DAZAP1: variants seen among roughly 807,000 people sequenced by gnomAD.
DAZAP1 encodes DAZ-associated protein 1.
DAZAP1 carries 6 observed loss-of-function variants against 60.1 expected under a neutral mutation model. The observed-to-expected ratio is 0.10, with a 90% CI of 0.05 to 0.20. The LOEUF (loss-of-function observed/expected upper bound fraction) is 0.20. Ranked by LOEUF, DAZAP1 falls within the 10% of genes least tolerant of loss-of-function variation. The pLI, the probability that DAZAP1 is intolerant of heterozygous loss-of-function variation, is 1.00. For missense variants in DAZAP1, 366 were observed against 560.4 expected (o/e 0.65, Z 3.50); for synonymous variants, 235 against 215.9 (o/e 1.09, Z -0.78).
In DAZAP1 at chr19:1,434,982, A is replaced by C; in HGVS notation, c.*70A>C. 3 of 619,114 alleles carry C rather than the reference A, an allele frequency of 4.8e-6. No homozygotes were observed. The highest frequency in any genetic ancestry group is 5.9e-6 in the Non-Finnish European group (3 of 511,390). 38.4% of individuals were successfully genotyped at this position (619,114 alleles called of 1,614,324 possible). A position where few individuals can be genotyped will look rare whatever the true frequency, so the allele number is the denominator to read the frequency against. ...AACTTGTGAACTCGTGACAATCACA[A>C]ACTTGGCGGCAAAGTGGCGACTCAA... On this transcript the variant is annotated 3_prime_UTR_variant, in exon 12 of 12. Coordinates refer to ENST00000233078, the MANE Select transcript of DAZAP1 (RefSeq NM_018959.4). The surrounding 1 kb of genome is among the most constrained non-coding windows in gnomAD (Gnocchi z 8.0).
chr19:1,413,652 T>G (rs1055023575), intron 1 of DAZAP1, among the ~76,000 whole-genome samples: 3 of 152,086 alleles, frequency 2.0e-5, no homozygotes, highest in African/African-American at 7.2e-5. Context: ...AAACACACAG[T>G]GTGGCCGCGC....
At chr19:1,412,809 AGCTGCAGGCCCTGGGT>A (rs746216451) in intron 1 of DAZAP1, among the ~76,000 whole-genome samples, 5 of 152,240 alleles carry the variant, frequency 3.3e-5, no homozygotes, top group Non-Finnish European at 5.9e-5. Flanking sequence ...CCAGGTGTCG[AGCTGCAGGCCCTGGGT>A]GCCAGGCTTG....
At position 1,425,560 on chromosome 19, in the gene DAZAP1, GT is replaced by G. The variant is rs2083286912; in HGVS notation, c.464-314del. On this transcript the variant is annotated intron_variant, in intron 6 of 11. Coordinates refer to ENST00000233078, the MANE Select transcript of DAZAP1 (RefSeq NM_018959.4). The surrounding 1 kb of genome is among the most constrained non-coding windows in gnomAD (Gnocchi z 5.4). ...TCACCGTTCCCCTGTCTCCGCTGCT[GT>G]TTTATAAGATGTGCTCCTTGTTCCA... 6.6e-6 allele frequency among the ~76,000 whole-genome samples: 1 copy of G among 152,232 alleles called. No individual in the cohort carries two copies. The highest frequency in any genetic ancestry group is 1.5e-5 in the Non-Finnish European group (1 of 68,034).
chr19:1,417,829 G>A (rs1347328863), intron 2 of DAZAP1, among the ~76,000 whole-genome samples: 2 of 152,174 alleles, frequency 1.3e-5, no homozygotes, highest in African/African-American at 2.4e-5. Flanking sequence ...GAGGGCTGGG[G>A]GCTGGCCAGG....
chr19:1,434,900 C>T lies in DAZAP1; in HGVS notation c.1212C>T (p.Pro404=), dbSNP rs774880466. Reference sequence around the variant, plus strand: ...ACCACAACGTGCAAGGGTTCCACCCCTACCGACGCTAGCCCGCGGCGCCGC... The same window carrying T: ...ACCACAACGTGCAAGGGTTCCACCCTTACCGACGCTAGCCCGCGGCGCCGC... The part of the protein sequence containing the change: ...GQNHNVQGFH[P]YRR The change falls in exon 12 of 12, where the codon CCC becomes CCT. Residue 404 remains proline (P), a synonymous_variant. Coordinates refer to ENST00000233078, the MANE Select transcript of DAZAP1 (RefSeq NM_018959.4). The surrounding 1 kb of genome is among the most constrained non-coding windows in gnomAD (Gnocchi z 8.0). 4 of 1,497,336 alleles carry T rather than the reference C, an allele frequency of 2.7e-6. No homozygotes were observed. The highest frequency in any genetic ancestry group is 2.4e-5 in the Admixed American group (1 of 41,472). The allele number at this position is 1,497,336 out of a possible 1,614,324, so 92.8% of individuals were successfully genotyped here. A position where few individuals can be genotyped will look rare whatever the true frequency, so the allele number is the denominator to read the frequency against.
chr19:1,424,938 C>T (rs2083270411), intron 6 of DAZAP1, among the ~76,000 whole-genome samples: 1 of 152,160 alleles, frequency 6.6e-6, no homozygotes, highest in African/African-American at 2.4e-5. Context: ...ACTCCTGCGC[C>T]TAGAGGAGGA....
In DAZAP1 at chr19:1,433,867, T is replaced by C; in HGVS notation, c.1049-870T>C. 6.4e-7 allele frequency: 1 copy of C among 1,571,554 alleles called. No individual in the cohort carries two copies. The highest frequency in any genetic ancestry group is 1.1e-5 in the South Asian group (1 of 90,166). On this transcript the variant is annotated intron_variant, in intron 11 of 11. Transcript: ENST00000233078. This position sits in a 1 kb window ranked among gnomAD's most constrained non-coding sequence, Gnocchi z 6.1. ...CTTCTCCAGGGTCCTCCCACCCGCCTGCACCGGGAGGTGGACGTGGCTTCC... is the reference window on the plus strand; with the variant it reads ...CTTCTCCAGGGTCCTCCCACCCGCCCGCACCGGGAGGTGGACGTGGCTTCC...
rs1222010007 is a variant in DAZAP1 at position 1,425,802 on chromosome 19, G to A, written c.464-76G>A. ...AAACCCAAGGTCGATCCCTCGGCCC[G>A]TCCCTAATACTGTTCATCATCCTGT... On this transcript the variant is annotated intron_variant, in intron 6 of 11. Coordinates refer to ENST00000233078, the MANE Select transcript of DAZAP1 (RefSeq NM_018959.4). The surrounding 1 kb of genome is among the most constrained non-coding windows in gnomAD (Gnocchi z 5.4). 23 of 1,051,322 alleles carry A rather than the reference G, an allele frequency of 2.2e-5. No homozygotes were observed. The highest frequency in any genetic ancestry group is 7.8e-5 in the African/African-American group (5 of 63,810). 65.1% of individuals were successfully genotyped at this position (1,051,322 alleles called of 1,614,324 possible).
rs967076377 is a variant in DAZAP1 at position 1,422,215 on chromosome 19, C to G, written c.415-133C>G. ...AGCAGCCCCACGGAGCAGCTGTTGC[C>G]CGTGCACCTCCCCCGCTCAGGGAGG... On this transcript the variant is annotated intron_variant, in intron 5 of 11. Coordinates refer to ENST00000233078, the MANE Select transcript of DAZAP1 (RefSeq NM_018959.4). The surrounding 1 kb of genome is among the most constrained non-coding windows in gnomAD (Gnocchi z 4.5). The G allele has an allele frequency of 5.4e-6, 4 of 747,634 alleles. No individual in the cohort carries two copies. The highest frequency in any genetic ancestry group is 9.1e-6 in the Non-Finnish European group (4 of 438,838). 46.3% of individuals were successfully genotyped at this position (747,634 alleles called of 1,614,324 possible). A position where few individuals can be genotyped will look rare whatever the true frequency, so the allele number is the denominator to read the frequency against.
chr19:1,416,896 G>T lies in DAZAP1; in HGVS notation c.30-604G>T, dbSNP rs1462801816. 1 of 153,802 alleles carries T rather than the reference G, an allele frequency of 6.5e-6. No individual in the cohort carries two copies. Among genetic ancestry groups the T allele is most frequent in the Non-Finnish European group, 1.4e-5 (1 of 69,108 alleles). The allele number at this position is 153,802 out of a possible 1,614,324, so 9.5% of individuals were successfully genotyped here. On this transcript the variant is annotated intron_variant, in intron 1 of 11. Transcript: ENST00000233078. The surrounding 1 kb of genome is among the most constrained non-coding windows in gnomAD (Gnocchi z 4.3). Reference sequence around the variant, plus strand: ...GCCAATAAGAGACAGCCCCAGAATGGGGGTGGCGCGGGTTTGTCGGGGGTA... The same window carrying T: ...GCCAATAAGAGACAGCCCCAGAATGTGGGTGGCGCGGGTTTGTCGGGGGTA...
rs995186631 is a variant in DAZAP1, at chr19:1,434,856, G to A, written c.1168G>A (p.Gly390Ser). The change falls in exon 12 of 12, where the codon GGC becomes AGC. Residue 390 changes from glycine (G) to serine (S), a missense_variant. By Grantham distance (56) the Gly-to-Ser change is moderately conservative. Transcript: ENST00000233078. This position sits in a 1 kb window ranked among gnomAD's most constrained non-coding sequence, Gnocchi z 8.0. Reference sequence around the variant, plus strand: ...GGGGGGCCCCCCCGCCGGCGGCAGCGGCTTTGGACGAGGGCAGAACCACAA... The same window carrying A: ...GGGGGGCCCCCCCGCCGGCGGCAGCAGCTTTGGACGAGGGCAGAACCACAA... Reference protein sequence around the residue: ...GSGGPPAGGSGFGRGQNHNVQ... With the variant: ...GSGGPPAGGSSFGRGQNHNVQ... 7 of 1,602,358 alleles carry A rather than the reference G, an allele frequency of 4.4e-6. No individual in the cohort carries two copies. Among genetic ancestry groups the A allele is most frequent in the African/African-American group, 2.7e-5 (2 of 74,284 alleles).
At chr19:1,421,843 A>G (rs764224958) in intron 5 of DAZAP1, among the ~76,000 whole-genome samples, 2 of 152,166 alleles carry the variant, frequency 1.3e-5, no homozygotes, top group African/African-American at 2.4e-5. Context: ...ATCAGGTGGT[A>G]CCTGAGGGTG....
chr19:1,421,301 G>C (rs544699470), intron 5 of DAZAP1, 43 bp downstream of exon 5: 3 of 1,573,680 alleles, frequency 1.9e-6, no homozygotes, highest in Non-Finnish European at 2.6e-6. Flanking sequence ...GGACAGAGCC[G>C]CTTCTGCTCA....
Position 1,432,423 on chromosome 19 carries a change from G to T in DAZAP1, c.872-91G>T. 7.2e-7 allele frequency: 1 copy of T among 1,398,262 alleles called. No homozygotes were observed. The highest frequency in any genetic ancestry group is 1.0e-6 in the Non-Finnish European group (1 of 993,560). 86.6% of individuals were successfully genotyped at this position (1,398,262 alleles called of 1,614,324 possible). A position where few individuals can be genotyped will look rare whatever the true frequency, so the allele number is the denominator to read the frequency against. On this transcript the variant is annotated intron_variant, in intron 10 of 11. Coordinates refer to ENST00000233078, the MANE Select transcript of DAZAP1 (RefSeq NM_018959.4). The surrounding 1 kb of genome is among the most constrained non-coding windows in gnomAD (Gnocchi z 4.9). ...GGGTTTGGGTGGCAGTCCCGTCTGG[G>T]CAGCTCCTGCTGGGCTGGGTGTGGG... is the stretch of plus-strand genomic sequence containing the variant.
At position 1,417,576 on chromosome 19, in the gene DAZAP1, A is replaced by ATGGGC. The variant is rs771332896; in HGVS notation, c.70+38_70+42dup. On this transcript the variant is annotated intron_variant, in intron 2 of 11. Coordinates refer to ENST00000233078, the MANE Select transcript of DAZAP1 (RefSeq NM_018959.4). The stretch of plus-strand genomic sequence containing the variant: ...AAGGGGTGTCAGGTGGGTACTGCAG[A>ATGGGC]TGGGCTCTAGGACCTCGGCCTTCAA... 3.8e-6 allele frequency: 6 copies of ATGGGC among 1,588,724 alleles called. No individual in the cohort carries two copies. In the South Asian group the frequency reaches 6.9e-5, roughly 18 times the overall value.
Position 1,423,257 on chromosome 19 carries a change from C to T in DAZAP1, c.463+861C>T, listed in dbSNP as rs1856712229. Among the ~76,000 whole-genome samples the T allele has an allele frequency of 6.6e-6, 1 of 152,244 alleles. No individual in the cohort carries two copies. The highest frequency in any genetic ancestry group is 6.5e-5 in the Admixed American group (1 of 15,292). On this transcript the variant is annotated intron_variant, in intron 6 of 11. Transcript: ENST00000233078. The surrounding 1 kb of genome is among the most constrained non-coding windows in gnomAD (Gnocchi z 6.8). ...TCCCTCCCCACGGTTAGGAGTGCTC[C>T]TCCTCCATGTCGGTTACGCTGTTAA...
intron 7 of DAZAP1, chr19:1,427,531 A>G (rs1321760655): frequency 1.3e-5 from 2 of 152,274 alleles, no homozygotes; most frequent in African/African-American, 4.8e-5. Context: ...TTAACCCTCC[A>G]TGCCAGGCGA....
chr19:1,431,036 C>G (rs1256911535), intron 10 of DAZAP1, among the ~76,000 whole-genome samples: 1 of 151,116 alleles, frequency 6.6e-6, no homozygotes, highest in East Asian at 2.0e-4. Context: ...GGCTCTAATT[C>G]TTGACTAATT....
At chr19:1,430,158 T>A in intron 9 of DAZAP1, 64 bp from the exon 10 acceptor site, 1 of 1,546,612 alleles carries the variant, frequency 6.5e-7, no homozygotes, top group Non-Finnish European at 8.8e-7. Flanking sequence ...GGCCTGGGTC[T>A]AACTGTGGCC....
Sources: allele counts gnomAD v4.1 joint callset (sites outside exome capture counted in the v4.1 genomes callset), GRCh38; gene constraint gnomAD v4.1.1; non-coding constraint Gnocchi (gnomAD v3.1); transcripts MANE v1.5; gene names NCBI Gene and HGNC (gene_info 2026-07-23, HGNC 2026-07-21).